IARS2: variants seen among roughly 807,000 people sequenced by gnomAD.
The protein encoded by IARS2 is isoleucyl-tRNA synthetase 2, mitochondrial.
Under a neutral mutation model 126.3 loss-of-function variants are expected in IARS2, and 56 were observed. The observed-to-expected ratio is 0.44, with a 90% CI of 0.36 to 0.55. IARS2 has a LOEUF of 0.55. Ranked by LOEUF, IARS2 falls within the 20% of genes least tolerant of loss-of-function variation. The pLI is 0.00. For synonymous variants in IARS2, 407 were observed against 441.1 expected, an observed-to-expected ratio of 0.92 and a Z score of 0.97; for missense variants, 1,127 against 1,245.9, an observed-to-expected ratio of 0.90 and a Z score of 1.44.
intron 1 of IARS2, among the ~76,000 whole-genome samples, chr1:220,095,845 G>GT (rs1656427569): frequency 6.6e-6 from 1 of 152,206 alleles, no homozygotes; most frequent in Non-Finnish European, 1.5e-5. Context: ...CTAAACCTTT[G>GT]TAGGGTGCTG....
At chr1:220,102,022 A>G (rs1014624271) in intron 3 of IARS2, 107 bp from the exon 4 acceptor site, 6 of 1,096,164 alleles carry the variant, frequency 5.5e-6, no homozygotes, top group Non-Finnish European at 8.0e-6. Flanking sequence ...AAAAATTTGC[A>G]TTCTAAACTG....
chr1:220,129,020 T>G (rs1313315277), intron 14 of IARS2, among the ~76,000 whole-genome samples: 3 of 151,960 alleles, frequency 2.0e-5, no homozygotes, highest in South Asian at 2.1e-4. Flanking sequence ...GTAGCTGGGA[T>G]TACAGGCATG....
At chr1:220,111,576 GTATA>G (rs148565915) in intron 11 of IARS2, among the ~76,000 whole-genome samples, 19,635 of 139,394 alleles carry the variant, frequency 0.14, 1,605 homozygotes, top group Admixed American at 0.22. Context: ...TTCTATATGG[GTATA>G]TATATATATA....
At chr1:220,133,748 T>C (rs1347472909) in intron 14 of IARS2, among the ~76,000 whole-genome samples, 1 of 152,210 alleles carries the variant, frequency 6.6e-6, no homozygotes, top group Non-Finnish European at 1.5e-5. Flanking sequence ...ATTAACATTT[T>C]GCTACAGTTG....
chr1:220,145,051 A>G (rs1657559545), intron 21 of IARS2, among the ~76,000 whole-genome samples: 4 of 151,506 alleles, frequency 2.6e-5, no homozygotes. Flanking sequence ...ACCTGTTGAG[A>G]TAGTATTTTA....
At chr1:220,114,277 T>C (rs1481206003) in intron 11 of IARS2, 37 bp from the exon 12 acceptor site, 1 of 1,576,244 alleles carries the variant, frequency 6.3e-7, no homozygotes, top group South Asian at 1.1e-5. Context: ...CTTGTTCTGC[T>C]TTCTCTCACA....
rs1386215871 is a variant in IARS2 at position 220,147,733 on chromosome 1, A to C, written c.*98A>C. ...TAGGAAAGAAAGCCAAGATTTAGGT[A>C]ATGAGTGGATGAGTAAATGGTGGAG... On this transcript the variant is annotated 3_prime_UTR_variant, in exon 23 of 23. Transcript: ENST00000366922. 14 of 1,247,454 alleles carry C rather than the reference A, an allele frequency of 1.1e-5. No homozygotes were observed. In the East Asian group the frequency reaches 3.3e-4, roughly 29 times the overall value. The allele number at this position is 1,247,454 out of a possible 1,614,324, so 77.3% of individuals were successfully genotyped here.
At chr1:220,100,441 T>C (rs764555373) in intron 2 of IARS2, 49 bp from the exon 3 acceptor site, 152 of 1,419,492 alleles carry the variant, frequency 1.1e-4, no homozygotes, top group Non-Finnish European at 1.4e-4. Flanking sequence ...TTGAAATACA[T>C]GGCCAAATAT....
intron 12 of IARS2, among the ~76,000 whole-genome samples, chr1:220,116,263 T>G (rs1046493918): frequency 6.6e-6 from 1 of 152,272 alleles, no homozygotes; most frequent in East Asian, 1.9e-4. Context: ...GTGTCAGTGC[T>G]AGGAACTGCT....
At chr1:220,131,241 G>A (rs577943746) in intron 14 of IARS2, among the ~76,000 whole-genome samples, 53 of 151,750 alleles carry the variant, frequency 3.5e-4, no homozygotes, top group African/African-American at 1.3e-3. Context: ...CAGTGGCACA[G>A]TCTCGGCTCA....
At chr1:220,127,313 T>A (rs185901592) in intron 14 of IARS2, among the ~76,000 whole-genome samples, 37 of 152,318 alleles carry the variant, frequency 2.4e-4, no homozygotes, top group Admixed American at 1.8e-3. Context: ...CTATACTACA[T>A]TGCTTTTTGT....
At chr1:220,140,123 T>C in intron 18 of IARS2, 60 bp from the exon 19 acceptor site, 1 of 950,534 alleles carries the variant, frequency 1.1e-6, no homozygotes, top group Non-Finnish European at 1.7e-6. Context: ...TTGCTTGTGA[T>C]GACTTACATT....
intron 22 of IARS2, 32 bp downstream of exon 22, chr1:220,145,685 C>T (rs768349680): frequency 1.3e-6 from 2 of 1,576,504 alleles, no homozygotes; most frequent in Non-Finnish European, 1.7e-6. Context: ...CAAGTAACAT[C>T]TGGAGAATTG....
chr1:220,127,683 GA>G (rs1657181927), intron 14 of IARS2, among the ~76,000 whole-genome samples: 1 of 152,132 alleles, frequency 6.6e-6, no homozygotes, highest in South Asian at 2.1e-4. Context: ...GGGTATGTGG[GA>G]AAAGTAGCTT....
rs547680321 is a variant in IARS2, at chr1:220,111,539, T to A, written c.1479+602T>A. The stretch of plus-strand genomic sequence containing the variant: ...TGGTATTTAAATACTTAATATATAT[T>A]TGAGCCCTTTCATTTAATATGTATC... On this transcript the variant is annotated intron_variant, in intron 11 of 22. Coordinates refer to ENST00000366922, the MANE Select transcript of IARS2 (RefSeq NM_018060.4). 1.8e-3 allele frequency among the ~76,000 whole-genome samples: 267 copies of A among 151,196 alleles called. 2 individuals are homozygous for A. The highest frequency in any genetic ancestry group is 2.3e-3 in the Non-Finnish European group (154 of 67,812).
intron 12 of IARS2, among the ~76,000 whole-genome samples, chr1:220,114,945 T>C (rs1458972157): frequency 6.6e-6 from 1 of 151,968 alleles, no homozygotes; most frequent in Non-Finnish European, 1.5e-5. Flanking sequence ...TTTTCCCTTT[T>C]TTTTTTTTTG....
chr1:220,136,657 G>GAAGAA (rs1191491977), intron 15 of IARS2, 152 bp from the exon 16 acceptor site: 13 of 396,036 alleles, frequency 3.3e-5, no homozygotes, highest in African/African-American at 8.9e-5. Flanking sequence ...AAAAAAAAGA[G>GAAGAA]AAGAAAAGAA....
chr1:220,098,434 C>T (rs1656498358), intron 2 of IARS2, among the ~76,000 whole-genome samples: 1 of 152,168 alleles, frequency 6.6e-6, no homozygotes, highest in Admixed American at 6.5e-5. Context: ...CTTGACTTCC[C>T]TCTAAAATGG....
chr1:220,113,217 T>G (rs1232608877), intron 11 of IARS2, among the ~76,000 whole-genome samples: 1 of 152,128 alleles, frequency 6.6e-6, no homozygotes, highest in Non-Finnish European at 1.5e-5. Flanking sequence ...TAAAAAGTAA[T>G]AGTTATTCCT....
Sources: allele counts gnomAD v4.1 joint callset (sites outside exome capture counted in the v4.1 genomes callset), GRCh38; gene constraint gnomAD v4.1.1; transcripts MANE v1.5; gene names NCBI Gene and HGNC (gene_info 2026-07-23, HGNC 2026-07-21).